The following EAF2 variants were observed in gnomAD, a reference collection of about 807,000 sequenced individuals.
EAF2 encodes ELL associated factor 2, also known as ELL-associated factor 2.
A neutral mutation model predicts 29.4 loss-of-function variants in EAF2; 29 were observed. That is an observed-to-expected ratio of 0.99 (90% CI 0.73 to 1.35). The LOEUF (loss-of-function observed/expected upper bound fraction) is 1.35. Ranked by LOEUF, EAF2 falls within the 40% of genes most tolerant of loss-of-function variation. The pLI is 0.00. For synonymous variants in EAF2, 103 were observed against 102.5 expected, an observed-to-expected ratio of 1.00 and a Z score of -0.03; for missense variants, 292 against 312.0, an observed-to-expected ratio of 0.94 and a Z score of 0.48.
chr3:121,871,276 C>T (rs771745379), intron 4 of EAF2, among the ~76,000 whole-genome samples: 15 of 151,270 alleles, frequency 9.9e-5, no homozygotes, highest in South Asian at 4.2e-4. Flanking sequence ...GAAGGCAGAC[C>T]AAAAAGTACA....
At position 121,839,499 on chromosome 3, in the gene EAF2, G is replaced by A. The variant is rs79364365; in HGVS notation, c.106+4108G>A. 7.5e-3 allele frequency among the ~76,000 whole-genome samples: 1,149 copies of A among 152,240 alleles called. 17 individuals are homozygous for A. The highest frequency in any genetic ancestry group is 0.026 in the African/African-American group (1,080 of 41,534). ...GAGGGCCATAGTTTTATTCTGGGAT[G>A]TCATTTCTAAGGTTTTAAATATTTA... On this transcript the variant is annotated intron_variant, in intron 1 of 5. Coordinates refer to ENST00000273668, the MANE Select transcript of EAF2 (RefSeq NM_018456.6).
chr3:121,877,094 A>G (rs1709111593), intron 5 of EAF2, among the ~76,000 whole-genome samples: 1 of 152,042 alleles, frequency 6.6e-6, no homozygotes, highest in Non-Finnish European at 1.5e-5. Flanking sequence ...TTAAGGCAAA[A>G]TGTACTCCTA....
chr3:121,859,270 A>G (rs1407087405), intron 4 of EAF2, among the ~76,000 whole-genome samples: 4 of 152,094 alleles, frequency 2.6e-5, no homozygotes, highest in African/African-American at 4.8e-5. Context: ...CAGTATGGCC[A>G]TTTTCACGAT....
At chr3:121,872,399 A>G (rs767559124) in intron 4 of EAF2, 138 bp from the exon 5 acceptor site, 28 of 660,358 alleles carry the variant, frequency 4.2e-5, no homozygotes, top group Non-Finnish European at 6.5e-5. Flanking sequence ...TTGTTTTTTA[A>G]TAAAATGCTT....
intron 4 of EAF2, among the ~76,000 whole-genome samples, chr3:121,871,321 T>C (rs1336159757): frequency 9.0e-6 from 1 of 111,710 alleles, no homozygotes; most frequent in South Asian, 2.9e-4. Flanking sequence ...AGTTCAAGAA[T>C]AGACGAATAG....
At chr3:121,873,560 A>T (rs2700419) in intron 5 of EAF2, among the ~76,000 whole-genome samples, 15,070 of 151,836 alleles carry the variant, frequency 0.099, 793 homozygotes, top group South Asian at 0.16. Flanking sequence ...TCCATTATGT[A>T]CACTGTAGCC....
At chr3:121,865,250 A>C (rs2107530723) in intron 4 of EAF2, among the ~76,000 whole-genome samples, 1 of 152,040 alleles carries the variant, frequency 6.6e-6, no homozygotes, top group South Asian at 2.1e-4. Context: ...CTCAATTAAA[A>C]AATTGTAAAA....
chr3:121,842,693 T>C (rs951945488), intron 1 of EAF2, among the ~76,000 whole-genome samples: 2 of 152,248 alleles, frequency 1.3e-5, no homozygotes, highest in Admixed American at 6.5e-5. Context: ...TTCTGGCTTC[T>C]TCTACTTTAT....
At chr3:121,840,192 A>T (rs1235641220) in intron 1 of EAF2, among the ~76,000 whole-genome samples, 1 of 77,958 alleles carries the variant, frequency 1.3e-5, no homozygotes, top group Non-Finnish European at 2.5e-5. Flanking sequence ...CTCTCAGGAA[A>T]AAAAAAAAAA....
chr3:121,837,026 T>C lies in EAF2; in HGVS notation c.106+1635T>C, dbSNP rs78741057. ...GTATCTTGAAAGTCAGAGGATCAGA[T>C]GATCCAGCTACCAGAATGAAAATAA... On this transcript the variant is annotated intron_variant, in intron 1 of 5. Transcript: ENST00000273668. Among the ~76,000 whole-genome samples the C allele has an allele frequency of 2.5e-3, 377 of 150,722 alleles. 4 individuals carry two copies. In the East Asian group the frequency reaches 0.029, roughly 12 times the overall value.
At chr3:121,867,470 G>T (rs769506428) in intron 4 of EAF2, among the ~76,000 whole-genome samples, 2 of 152,124 alleles carry the variant, frequency 1.3e-5, no homozygotes, top group Non-Finnish European at 2.9e-5. Flanking sequence ...AAGCCATGGA[G>T]CCCAGAAAGG....
Position 121,844,496 on chromosome 3 carries a change from C to G in EAF2, c.150C>G (p.Tyr50Ter), listed in dbSNP as rs1366728747. Reference sequence around the variant, plus strand: ...CTATTGACACTTCTTCTGAAGGATACCTTGAGGTTGGTGAAGGTGAACAGG... The same window carrying G: ...CTATTGACACTTCTTCTGAAGGATAGCTTGAGGTTGGTGAAGGTGAACAGG... Reference protein sequence around the residue: ...PASIDTSSEGYLEVGEGEQVT... With the variant: ...PASIDTSSEG Residue 50 changes from tyrosine (Y) to a stop codon, truncating the protein, a stop_gained, in exon 2 of 6, where the codon TAC becomes TAG. Coordinates refer to ENST00000273668, the MANE Select transcript of EAF2 (RefSeq NM_018456.6). LOFTEE classifies it high-confidence loss of function. The G allele has an allele frequency of 2.5e-6, 4 of 1,610,768 alleles. No homozygotes were observed. The Middle Eastern group carries it at 6.6e-4, about 266-fold the overall frequency.
chr3:121,854,997 C>T (rs1205239496), intron 3 of EAF2, among the ~76,000 whole-genome samples, 174 bp downstream of exon 3: 1 of 152,070 alleles, frequency 6.6e-6, no homozygotes, highest in Non-Finnish European at 1.5e-5. Flanking sequence ...AAGCGTTTTA[C>T]CACATTACCC....
intron 4 of EAF2, among the ~76,000 whole-genome samples, chr3:121,864,721 T>A (rs1708894018): frequency 1.3e-5 from 2 of 152,014 alleles, no homozygotes; most frequent in African/African-American, 4.8e-5. Flanking sequence ...GAGGCTAAGC[T>A]GGGAGGATTA....
intron 4 of EAF2, among the ~76,000 whole-genome samples, chr3:121,870,865 C>T (rs1248214459): frequency 1.3e-5 from 2 of 152,066 alleles, no homozygotes; most frequent in African/African-American, 4.8e-5. Context: ...TACCATTGTA[C>T]ACCCTTCAGA....
intron 5 of EAF2, among the ~76,000 whole-genome samples, chr3:121,885,530 A>T (rs2107554353): frequency 6.6e-6 from 1 of 152,238 alleles, no homozygotes; most frequent in Admixed American, 6.5e-5. Flanking sequence ...TATCTTTCTG[A>T]CCTCATTTAC....
In EAF2 at chr3:121,854,749, T is replaced by C. The variant is rs370918421; in HGVS notation, c.264T>C (p.Ile88=). ...AAAAACCTTACTTAAAAGAATGCAT[T>C]TTGATTATTAACCATGATACTGGAG... is the stretch of plus-strand genomic sequence containing the variant. ...GSKKPYLKEC[I]LIINHDTGEC... Residue 88 remains isoleucine, a synonymous_variant, in exon 3 of 6, where the codon ATT becomes ATC. Coordinates refer to ENST00000273668, the MANE Select transcript of EAF2 (RefSeq NM_018456.6). 4.6e-5 allele frequency: 72 copies of C among 1,568,036 alleles called. No homozygotes were observed. The highest frequency in any genetic ancestry group is 5.8e-5 in the Non-Finnish European group (68 of 1,167,388).
chr3:121,883,537 A>C (rs1709226587), intron 5 of EAF2, among the ~76,000 whole-genome samples: 1 of 152,248 alleles, frequency 6.6e-6, no homozygotes, highest in African/African-American at 2.4e-5. Context: ...AGATCTTCCA[A>C]GTACATATTC....
At chr3:121,843,168 G>A (rs1367177917) in intron 1 of EAF2, among the ~76,000 whole-genome samples, 1 of 152,128 alleles carries the variant, frequency 6.6e-6, no homozygotes, top group Non-Finnish European at 1.5e-5. Context: ...GTTGTTATAA[G>A]AGGTAAATAT....
Sources: gnomAD v4.1 joint callset for allele counts (sites outside exome capture counted in the v4.1 genomes callset) on GRCh38, gnomAD v4.1.1 for gene constraint, MANE v1.5 for transcripts, NCBI Gene and HGNC (gene_info 2026-07-23, HGNC 2026-07-21) for gene names.